Variants in ARHGAP32 observed in about 807,000 individuals in gnomAD.
ARHGAP32 encodes the protein rho GTPase-activating protein 32.
In ARHGAP32, 51 loss-of-function variants were observed where a neutral mutation model predicts 186.5. The observed-to-expected ratio is 0.27, with a 90% CI of 0.22 to 0.35. The LOEUF (loss-of-function observed/expected upper bound fraction) is 0.35, where lower values mean the gene tolerates loss of function less well. Ranked by LOEUF, ARHGAP32 falls within the 10% of genes least tolerant of loss-of-function variation. ARHGAP32 has a pLI of 1.00. For synonymous variants in ARHGAP32, 950 were observed against 964.3 expected, an observed-to-expected ratio of 0.99 and a Z score of 0.27; for missense variants, 2,186 against 2,623.5, an observed-to-expected ratio of 0.83 and a Z score of 3.64.
At chr11:129,251,537 T>C (rs1945182477) in intron 1 of ARHGAP32, among the ~76,000 whole-genome samples, 1 of 152,190 alleles carries the variant, frequency 6.6e-6, no homozygotes, top group South Asian at 2.1e-4. Flanking sequence ...GAAATCTGTC[T>C]AATGATCATA....
chr11:129,181,326 G>C (rs1022962791), intron 1 of ARHGAP32, among the ~76,000 whole-genome samples: 17 of 152,062 alleles, frequency 1.1e-4, no homozygotes, highest in African/African-American at 3.9e-4. Context: ...TTGTCTGTCT[G>C]TGTACAAATA....
chr11:129,263,631 G>C, intron 1 of ARHGAP32, among the ~76,000 whole-genome samples: 1 of 140,004 alleles, frequency 7.1e-6, no homozygotes, highest in East Asian at 2.4e-4. Context: ...AGGGGGAGGG[G>C]AGAGGGAGGG....
chr11:129,133,071 CA>C lies in ARHGAP32; in HGVS notation c.226-8178del, dbSNP rs1378399722. On this transcript the variant is annotated intron_variant, in intron 2 of 22. Transcript: ENST00000682385. ...CGAGGCCTCAGGAAACTTACAATCACAGCGGAAGGCAAAGAGGAAGGAGGCA... is the reference window on the plus strand; with the variant it reads ...CGAGGCCTCAGGAAACTTACAATCACGCGGAAGGCAAAGAGGAAGGAGGCA... Among the ~76,000 whole-genome samples, 5 of 152,042 alleles carry C rather than the reference CA, an allele frequency of 3.3e-5. No individual in the cohort carries two copies. In the East Asian group the frequency reaches 9.7e-4, roughly 29 times the overall value.
At chr11:129,173,934 G>C (rs1943832856) in intron 1 of ARHGAP32, among the ~76,000 whole-genome samples, 2 of 152,186 alleles carry the variant, frequency 1.3e-5, no homozygotes, top group African/African-American at 4.8e-5. Context: ...AAAAGAAAGA[G>C]GAGCCAAGAT....
At chr11:129,218,084 T>C (rs781181332) in intron 1 of ARHGAP32, among the ~76,000 whole-genome samples, 5 of 152,206 alleles carry the variant, frequency 3.3e-5, no homozygotes, top group Admixed American at 6.6e-5. Flanking sequence ...CAAAACCAAC[T>C]GTGATATCTA....
intron 9 of ARHGAP32, among the ~76,000 whole-genome samples, chr11:129,063,302 T>G (rs1940576516): frequency 6.6e-6 from 1 of 152,194 alleles, no homozygotes; most frequent in African/African-American, 2.4e-5. Flanking sequence ...GTTATACTGT[T>G]ATTTCTTAAA....
chr11:129,187,429 T>C (rs961490220), intron 1 of ARHGAP32, among the ~76,000 whole-genome samples: 5 of 152,088 alleles, frequency 3.3e-5, no homozygotes, highest in African/African-American at 1.2e-4. Context: ...AAAAAGTAGT[T>C]AGAATAAATG....
intron 11 of ARHGAP32, among the ~76,000 whole-genome samples, chr11:129,007,746 C>G (rs998699068): frequency 6.6e-6 from 1 of 152,140 alleles, no homozygotes; most frequent in Non-Finnish European, 1.5e-5. Flanking sequence ...AGGTCATGTG[C>G]CCCTCAAGTC....
In ARHGAP32 at chr11:129,058,238, CTATATA is replaced by C. The variant is rs34506002; in HGVS notation, c.963+4036_963+4041del. ...ACACACACACTCTCTCTCTCTCTCT[CTATATA>C]TATATATATCTCATATACAATCATA... On this transcript the variant is annotated intron_variant, in intron 10 of 22. Transcript: ENST00000682385. 4.3e-3 allele frequency among the ~76,000 whole-genome samples: 596 copies of C among 138,834 alleles called. 4 individuals carry two copies. The highest frequency in any genetic ancestry group is 6.0e-3 in the Non-Finnish European group (389 of 64,954). The allele number at this position is 138,834 out of a possible 152,430, so 91.1% of individuals were successfully genotyped here.
chr11:129,075,275 A>G (rs1941000529), intron 6 of ARHGAP32, among the ~76,000 whole-genome samples: 1 of 152,210 alleles, frequency 6.6e-6, no homozygotes. Flanking sequence ...AATATAAGAT[A>G]GATTAAAATA....
chr11:129,269,496 G>A (rs972514308), intron 1 of ARHGAP32, among the ~76,000 whole-genome samples: 3 of 152,104 alleles, frequency 2.0e-5, no homozygotes, highest in African/African-American at 7.2e-5. Context: ...AGAGGCTGAG[G>A]CAGGTGGATC....
intron 2 of ARHGAP32, among the ~76,000 whole-genome samples, chr11:129,131,225 C>T (rs1942802333): frequency 6.6e-6 from 1 of 151,654 alleles, no homozygotes; most frequent in South Asian, 2.1e-4. Context: ...GTGGTGGTTT[C>T]ACAGAAGTAT....
At chr11:129,019,721 T>C (rs1269038604) in intron 11 of ARHGAP32, among the ~76,000 whole-genome samples, 1 of 152,162 alleles carries the variant, frequency 6.6e-6, no homozygotes, top group African/African-American at 2.4e-5. Context: ...GTAGTAAGCA[T>C]AAAATGTTAG....
intron 11 of ARHGAP32, among the ~76,000 whole-genome samples, chr11:129,031,723 C>A (rs76363355): frequency 0.052 from 7,968 of 152,224 alleles, 515 homozygotes; most frequent in African/African-American, 0.14. Context: ...GACCTATGAC[C>A]CAAAGTGAGA....
chr11:128,983,306 T>C (rs1945762742), intron 15 of ARHGAP32, among the ~76,000 whole-genome samples: 1 of 152,308 alleles, frequency 6.6e-6, no homozygotes, highest in East Asian at 1.9e-4. Flanking sequence ...CTCTGCTGTA[T>C]ATAATTAAGA....
At chr11:129,161,326 A>T (rs1160477618) in intron 2 of ARHGAP32, among the ~76,000 whole-genome samples, 2 of 152,268 alleles carry the variant, frequency 1.3e-5, no homozygotes, top group East Asian at 3.9e-4. Flanking sequence ...TAAACTAAAG[A>T]CCTTCTCCAC....
At chr11:128,992,669 C>T (rs952603061) in intron 12 of ARHGAP32, among the ~76,000 whole-genome samples, 1 of 151,822 alleles carries the variant, frequency 6.6e-6, no homozygotes, top group Non-Finnish European at 1.5e-5. Context: ...CGCCTGTAAT[C>T]CCAGCTACTC....
chr11:129,151,210 G>A (rs1018040266), intron 2 of ARHGAP32, among the ~76,000 whole-genome samples: 3 of 151,982 alleles, frequency 2.0e-5, no homozygotes, highest in East Asian at 1.9e-4. Flanking sequence ...CACTTAACAC[G>A]AGGTCTCCCA....
At chr11:129,095,022 T>A (rs1278950470) in intron 5 of ARHGAP32, among the ~76,000 whole-genome samples, 1 of 152,208 alleles carries the variant, frequency 6.6e-6, no homozygotes, top group Non-Finnish European at 1.5e-5. Flanking sequence ...GAAGATATAT[T>A]CTCTATTGAG....
Sources: gnomAD v4.1 joint callset for allele counts (sites outside exome capture counted in the v4.1 genomes callset) on GRCh38, gnomAD v4.1.1 for gene constraint, MANE v1.5 for transcripts, NCBI Gene and HGNC (gene_info 2026-07-23, HGNC 2026-07-21) for gene names.